GABRG3: variants seen among roughly 807,000 people sequenced by gnomAD.
The protein encoded by GABRG3 is gamma-aminobutyric acid receptor subunit gamma-3.
Under a neutral mutation model 48.8 loss-of-function variants are expected in GABRG3, and 25 were observed. The ratio of observed to expected loss-of-function variants is 0.51; its 90% confidence interval spans 0.37 to 0.72. The LOEUF (loss-of-function observed/expected upper bound fraction) is 0.72, where lower values mean the gene tolerates loss of function less well. GABRG3 is among the 30% of genes least tolerant of loss of function. The pLI is 0.00. For synonymous variants in GABRG3, 227 were observed against 217.6 expected, an observed-to-expected ratio of 1.04 and a Z score of -0.38; for missense variants, 394 against 577.9, an observed-to-expected ratio of 0.68 and a Z score of 3.26.
chr15:27,064,222 G>A (rs999161118), intron 3 of GABRG3, among the ~76,000 whole-genome samples: 1 of 152,178 alleles, frequency 6.6e-6, no homozygotes, highest in Non-Finnish European at 1.5e-5. Flanking sequence ...CTGGATACTT[G>A]CAGTGTTGGC....
chr15:27,307,643 A>C (rs1449525561), intron 3 of GABRG3, among the ~76,000 whole-genome samples: 1 of 127,044 alleles, frequency 7.9e-6, no homozygotes, highest in Non-Finnish European at 1.6e-5. Context: ...TTATATATAA[A>C]CATAGGTTTA....
intron 2 of GABRG3, among the ~76,000 whole-genome samples, chr15:26,990,510 A>G (rs1895228028): frequency 6.6e-6 from 1 of 152,140 alleles, no homozygotes; most frequent in Non-Finnish European, 1.5e-5. Flanking sequence ...AGCTCATTAT[A>G]TATTCTGGCT....
chr15:27,344,934 A>G (rs1894316184), intron 5 of GABRG3, among the ~76,000 whole-genome samples: 1 of 152,160 alleles, frequency 6.6e-6, no homozygotes, highest in South Asian at 2.1e-4. Flanking sequence ...TAACACATCT[A>G]TTATTGTGTA....
At chr15:27,464,786 C>T (rs4550406) in intron 5 of GABRG3, among the ~76,000 whole-genome samples, 57,886 of 151,994 alleles carry the variant, frequency 0.38, 14,356 homozygotes, top group African/African-American at 0.69. Context: ...AAATTCTTTG[C>T]CCATTTTTAA....
intron 5 of GABRG3, among the ~76,000 whole-genome samples, chr15:27,453,246 C>T (rs1272325189): frequency 2.0e-5 from 3 of 152,088 alleles, no homozygotes; most frequent in Admixed American, 6.5e-5. Flanking sequence ...ATAATGTACA[C>T]CTGGAATTTC....
chr15:27,452,848 T>C (rs1297110358), intron 5 of GABRG3, among the ~76,000 whole-genome samples: 2 of 152,236 alleles, frequency 1.3e-5, no homozygotes. Context: ...CAATTCCATG[T>C]TAATTGCAGC....
chr15:27,489,616 T>A (rs1484481491), intron 6 of GABRG3, among the ~76,000 whole-genome samples: 1 of 152,244 alleles, frequency 6.6e-6, no homozygotes, highest in Non-Finnish European at 1.5e-5. Flanking sequence ...TTTGCATTTC[T>A]CTAATGACCA....
chr15:27,182,649 G>A (rs553252262), intron 3 of GABRG3, among the ~76,000 whole-genome samples: 1 of 151,108 alleles, frequency 6.6e-6, no homozygotes, highest in South Asian at 2.1e-4. Context: ...GCTTAGCTGA[G>A]AGGCTGGTGC....
At position 26,976,198 on chromosome 15, in the gene GABRG3, C is replaced by G. The variant is rs10152211; in HGVS notation, c.54-804C>G. Among the ~76,000 whole-genome samples, 8,443 of 152,100 alleles carry G rather than the reference C, an allele frequency of 0.056. 589 individuals are homozygous for G. Among genetic ancestry groups the G allele is most frequent in the African/African-American group, 0.16 (6,587 of 41,468 alleles). On this transcript the variant is annotated intron_variant, in intron 1 of 9. Coordinates refer to ENST00000615808, the MANE Select transcript of GABRG3 (RefSeq NM_033223.5). This position sits in a 1 kb window ranked among gnomAD's most constrained non-coding sequence, Gnocchi z 7.8. ...GGCACTCCTGTCAGTGTGTGTCACA[C>G]GGGAGAGGAGGCTGTCCAGCTCCTC...
intron 6 of GABRG3, among the ~76,000 whole-genome samples, chr15:27,497,081 C>T (rs1389829844): frequency 3.3e-5 from 5 of 152,196 alleles, no homozygotes; most frequent in Admixed American, 1.3e-4. Context: ...CCCACAGACA[C>T]GGTCACTCTC....
In GABRG3 at chr15:26,971,288, C is replaced by G. The variant is rs1894834006; in HGVS notation, c.-248C>G. On this transcript the variant is annotated 5_prime_UTR_variant, in exon 1 of 10. Transcript: ENST00000615808. ...CCCGGCGCCCATTGCTCCCGCCGCCCGGTTGCGCGGACCGGCGCTAGTGCG... is the reference window on the plus strand; with the variant it reads ...CCCGGCGCCCATTGCTCCCGCCGCCGGGTTGCGCGGACCGGCGCTAGTGCG... The G allele has an allele frequency of 5.5e-6, 1 of 180,872 alleles. No homozygotes were observed. The highest frequency in any genetic ancestry group is 1.1e-5 in the Non-Finnish European group (1 of 87,330). 11.2% of individuals were successfully genotyped at this position (180,872 alleles called of 1,614,324 possible). A position where few individuals can be genotyped will look rare whatever the true frequency, so the allele number is the denominator to read the frequency against.
At chr15:27,000,432 G>A (rs1895422793) in intron 2 of GABRG3, among the ~76,000 whole-genome samples, 1 of 152,170 alleles carries the variant, frequency 6.6e-6, no homozygotes, top group Non-Finnish European at 1.5e-5. Flanking sequence ...TCTACCCAAA[G>A]CTGGTATGCC....
chr15:27,222,743 A>G (rs1297398005), intron 3 of GABRG3, among the ~76,000 whole-genome samples: 1 of 152,188 alleles, frequency 6.6e-6, no homozygotes, highest in Non-Finnish European at 1.5e-5. Context: ...ATTACAAACC[A>G]GATATCATGG....
intron 5 of GABRG3, among the ~76,000 whole-genome samples, chr15:27,471,590 G>T (rs927365514): frequency 6.6e-6 from 1 of 152,182 alleles, no homozygotes; most frequent in Admixed American, 6.5e-5. Context: ...GAGGTTAAAG[G>T]CAAGGTGGAG....
chr15:27,380,915 G>A (rs1369729196), intron 5 of GABRG3, among the ~76,000 whole-genome samples: 2 of 151,924 alleles, frequency 1.3e-5, no homozygotes, highest in Non-Finnish European at 2.9e-5. Flanking sequence ...ACAGGCGCCT[G>A]CCACCATGCC....
intron 7 of GABRG3, among the ~76,000 whole-genome samples, chr15:27,523,397 T>C (rs1007149278): frequency 6.6e-6 from 1 of 151,744 alleles, no homozygotes; most frequent in African/African-American, 2.4e-5. Flanking sequence ...TTTATATTAA[T>C]ATTTTTGTTC....
intron 6 of GABRG3, among the ~76,000 whole-genome samples, chr15:27,510,486 C>A (rs1173477349): frequency 6.6e-6 from 1 of 152,184 alleles, no homozygotes; most frequent in Non-Finnish European, 1.5e-5. Context: ...ACAGGGGACA[C>A]AATGATGTGG....
intron 3 of GABRG3, among the ~76,000 whole-genome samples, chr15:27,047,375 C>T (rs1281060011): frequency 6.6e-6 from 1 of 152,192 alleles, no homozygotes; most frequent in Admixed American, 6.5e-5. Flanking sequence ...TACTGTAATT[C>T]ATGGGCACTG....
intron 3 of GABRG3, among the ~76,000 whole-genome samples, chr15:27,175,558 A>G (rs1254618765): frequency 6.6e-6 from 1 of 152,238 alleles, no homozygotes; most frequent in Non-Finnish European, 1.5e-5. Flanking sequence ...TCCATTGCCC[A>G]CTAATAATGT....
Sources: gnomAD v4.1 joint callset for allele counts (sites outside exome capture counted in the v4.1 genomes callset) on GRCh38, gnomAD v4.1.1 for gene constraint, Gnocchi (gnomAD v3.1) non-coding constraint, MANE v1.5 for transcripts, NCBI Gene and HGNC (gene_info 2026-07-23, HGNC 2026-07-21) for gene names.